Variants in DRC11 observed in about 807,000 individuals in gnomAD.
DRC11 encodes the protein dynein regulatory complex subunit 11.
the DRC11 span, chr2:236,324,518 C>T: frequency 5.6e-6 from 3 of 538,418 alleles, no homozygotes; most frequent in South Asian, 4.3e-5. This position sits in a 1 kb window ranked among gnomAD's most constrained non-coding sequence, Gnocchi z 5.7. Flanking sequence ...AGCGGGTTTG[C>T]GGCATCAGCT....
the DRC11 span, among the ~76,000 whole-genome samples, chr2:236,413,566 C>T: frequency 2.6e-5 from 4 of 152,294 alleles, no homozygotes; most frequent in African/African-American, 9.6e-5. This position sits in a 1 kb window ranked among gnomAD's most constrained non-coding sequence, Gnocchi z 4.0. Flanking sequence ...ATTTGGAGCA[C>T]CTCTTTGGGC....
chr2:236,316,373 G>A, the DRC11 span, among the ~76,000 whole-genome samples: 1 of 152,160 alleles, frequency 6.6e-6, no homozygotes, highest in Non-Finnish European at 1.5e-5. This position sits in a 1 kb window ranked among gnomAD's most constrained non-coding sequence, Gnocchi z 6.8. Flanking sequence ...ATGTTGGTCA[G>A]GCTGCCCTCA....
the DRC11 span, chr2:236,392,180 T>G: frequency 2.0e-6 from 3 of 1,488,264 alleles, no homozygotes; most frequent in Non-Finnish European, 2.8e-6. The surrounding 1 kb of genome is among the most constrained non-coding windows in gnomAD (Gnocchi z 5.1). Flanking sequence ...AGTAGGAAAT[T>G]GTAAAGAAGC....
chr2:236,503,874 C>G, the DRC11 span, among the ~76,000 whole-genome samples: 2 of 152,120 alleles, frequency 1.3e-5, no homozygotes, highest in East Asian at 3.9e-4. This position sits in a 1 kb window ranked among gnomAD's most constrained non-coding sequence, Gnocchi z 4.9. Flanking sequence ...AGCCTCAAGC[C>G]TCTTTCTGCT....
At chr2:236,474,740 C>T in the DRC11 span, among the ~76,000 whole-genome samples, 2 of 152,094 alleles carry the variant, frequency 1.3e-5, no homozygotes, top group Admixed American at 1.3e-4. Context: ...TATCCATATA[C>T]ACCAAACAAT....
At chr2:236,500,864 A>G in the DRC11 span, among the ~76,000 whole-genome samples, 1,202 of 151,996 alleles carry the variant, frequency 7.9e-3, 7 homozygotes, top group East Asian at 0.045. The surrounding 1 kb of genome is among the most constrained non-coding windows in gnomAD (Gnocchi z 6.3). Flanking sequence ...ATGCCCAGCT[A>G]ATTTTGTATT....
chr2:236,445,946 G>C, the DRC11 span, among the ~76,000 whole-genome samples: 1 of 152,110 alleles, frequency 6.6e-6, no homozygotes, highest in Non-Finnish European at 1.5e-5. The surrounding 1 kb of genome is among the most constrained non-coding windows in gnomAD (Gnocchi z 4.8). Context: ...CACAGAGCTT[G>C]GACCCCTGCT....
At chr2:236,420,661 T>A in the DRC11 span, among the ~76,000 whole-genome samples, 2 of 152,026 alleles carry the variant, frequency 1.3e-5, no homozygotes, top group Non-Finnish European at 2.9e-5. This position sits in a 1 kb window ranked among gnomAD's most constrained non-coding sequence, Gnocchi z 4.8. Context: ...ACACAAAACA[T>A]TAGCCAGGCA....
chr2:236,498,035 G>T, the DRC11 span, among the ~76,000 whole-genome samples: 5 of 152,254 alleles, frequency 3.3e-5, no homozygotes, highest in South Asian at 1.0e-3. Flanking sequence ...TAAGAGAGTG[G>T]ATAAATAAAT....
the DRC11 span, chr2:236,503,648 G>A: frequency 2.4e-5 from 37 of 1,550,788 alleles, no homozygotes; most frequent in African/African-American, 4.2e-4. The surrounding 1 kb of genome is among the most constrained non-coding windows in gnomAD (Gnocchi z 4.9). Context: ...CCTCAGCGCT[G>A]AGAGACGGCG....
At chr2:236,349,944 G>A in the DRC11 span, among the ~76,000 whole-genome samples, 152 of 152,302 alleles carry the variant, frequency 1.0e-3, no homozygotes, top group Non-Finnish European at 2.0e-3. The surrounding 1 kb of genome is among the most constrained non-coding windows in gnomAD (Gnocchi z 5.5). Flanking sequence ...GGCTGCTGTG[G>A]ATCACTTCTC....
the DRC11 span, among the ~76,000 whole-genome samples, chr2:236,458,735 C>G: frequency 6.6e-6 from 1 of 151,930 alleles, no homozygotes; most frequent in African/African-American, 2.4e-5. Context: ...CTCTTTCTGG[C>G]TTTCCTATAA....
At chr2:236,354,215 T>TTA in the DRC11 span, among the ~76,000 whole-genome samples, 7 of 64,300 alleles carry the variant, frequency 1.1e-4, no homozygotes, top group African/African-American at 5.4e-4. Flanking sequence ...TCAATGTATG[T>TTA]GTGTGCATGT....
the DRC11 span, among the ~76,000 whole-genome samples, chr2:236,387,346 C>T: frequency 6.6e-6 from 1 of 152,004 alleles, no homozygotes; most frequent in Non-Finnish European, 1.5e-5. Flanking sequence ...TCTGGGTGCT[C>T]CTGTATTGGT....
chr2:236,376,270 C>T, the DRC11 span, among the ~76,000 whole-genome samples: 221 of 152,252 alleles, frequency 1.5e-3, 1 homozygote, highest in African/African-American at 4.6e-3. This position sits in a 1 kb window ranked among gnomAD's most constrained non-coding sequence, Gnocchi z 5.7. Flanking sequence ...TGAAAGATGG[C>T]GGAAGGCTGG....
At chr2:236,442,361 T>C in the DRC11 span, among the ~76,000 whole-genome samples, 2 of 152,224 alleles carry the variant, frequency 1.3e-5, no homozygotes, top group African/African-American at 4.8e-5. Context: ...TCTTTTGTTT[T>C]GGTTGAAGTA....
At chr2:236,408,134 T>A in the DRC11 span, 7 of 674,816 alleles carry the variant, frequency 1.0e-5, no homozygotes, top group African/African-American at 1.8e-5. This position sits in a 1 kb window ranked among gnomAD's most constrained non-coding sequence, Gnocchi z 5.5. Flanking sequence ...GAGTTGATAT[T>A]CTTGTCAGGA....
chr2:236,449,723 C>G, the DRC11 span, among the ~76,000 whole-genome samples: 1 of 152,194 alleles, frequency 6.6e-6, no homozygotes, highest in African/African-American at 2.4e-5. The surrounding 1 kb of genome is among the most constrained non-coding windows in gnomAD (Gnocchi z 5.1). Context: ...AGGCAACACT[C>G]TCTTGGAGGC....
chr2:236,322,317 C>T, the DRC11 span, among the ~76,000 whole-genome samples: 7 of 148,568 alleles, frequency 4.7e-5, no homozygotes, highest in Non-Finnish European at 8.9e-5. Context: ...TCACTGCAAG[C>T]TCCGCCTCCC....
Sources: allele counts gnomAD v4.1 joint callset (sites outside exome capture counted in the v4.1 genomes callset), GRCh38; gene constraint gnomAD v4.1.1; non-coding constraint Gnocchi (gnomAD v3.1); transcripts MANE v1.5; gene names NCBI Gene and HGNC (gene_info 2026-07-23, HGNC 2026-07-21).